The following OXR1 variants were observed in gnomAD, a reference collection of about 807,000 sequenced individuals.
OXR1 encodes the protein oxidation resistance protein 1.
In OXR1, 41 loss-of-function variants were observed where a neutral mutation model predicts 104.6. The observed-to-expected ratio is 0.39, with a 90% CI of 0.31 to 0.51. The LOEUF is 0.51. Among genes scored for constraint, OXR1 ranks in the 20% least tolerant of loss-of-function variants. The probability of loss-of-function intolerance (pLI) is 0.77; values close to 1 mark genes in which losing one functional copy is unlikely to be tolerated. For missense variants in OXR1, 955 were observed against 1,031.9 expected (o/e 0.93, Z 1.02); for synonymous variants, 348 against 348.4 (o/e 1.00, Z 0.01).
chr8:106,495,240 A>G (rs1008215468), intron 2 of OXR1, among the ~76,000 whole-genome samples: 1 of 152,136 alleles, frequency 6.6e-6, no homozygotes, highest in African/African-American at 2.4e-5. Flanking sequence ...TAAATATGCA[A>G]TAATATGTGT....
At chr8:106,457,957 C>T (rs569253769) in intron 2 of OXR1, among the ~76,000 whole-genome samples, 18 of 151,936 alleles carry the variant, frequency 1.2e-4, no homozygotes, top group African/African-American at 3.4e-4. Flanking sequence ...TAGTAAAATG[C>T]GAGTGGAGAG....
At chr8:106,686,382 T>C (rs904518374) in intron 6 of OXR1, among the ~76,000 whole-genome samples, 2 of 151,996 alleles carry the variant, frequency 1.3e-5, no homozygotes, top group Non-Finnish European at 2.9e-5. Flanking sequence ...TTATGGGCAA[T>C]AGTTAGAAAT....
At chr8:106,549,023 A>G (rs1328891548) in intron 3 of OXR1, among the ~76,000 whole-genome samples, 1 of 152,170 alleles carries the variant, frequency 6.6e-6, no homozygotes, top group African/African-American at 2.4e-5. Flanking sequence ...TAAAGAAGAA[A>G]TTCTGTTGCC....
intron 3 of OXR1, among the ~76,000 whole-genome samples, chr8:106,576,021 C>CACAA (rs1491319477): frequency 2.5e-4 from 36 of 146,802 alleles, no homozygotes; most frequent in African/African-American, 8.5e-4. Flanking sequence ...CACACACACA[C>CACAA]AAAACCCTGA....
At chr8:106,669,898 A>G (rs889174923) in intron 3 of OXR1, among the ~76,000 whole-genome samples, 3 of 152,210 alleles carry the variant, frequency 2.0e-5, no homozygotes, top group Non-Finnish European at 4.4e-5. Context: ...TAGGTAATTC[A>G]GACTATCCTG....
chr8:106,415,923 G>T (rs746470701), intron 2 of OXR1, among the ~76,000 whole-genome samples: 16 of 152,082 alleles, frequency 1.1e-4, no homozygotes, highest in Non-Finnish European at 2.1e-4. Context: ...TGGAGTTTAA[G>T]TATTCCTTTC....
chr8:106,299,138 C>T (rs184132375), intron 1 of OXR1, among the ~76,000 whole-genome samples: 2 of 152,116 alleles, frequency 1.3e-5, no homozygotes, highest in East Asian at 3.9e-4. Flanking sequence ...ACTTTGTGTT[C>T]ATCGCAGATT....
chr8:106,389,841 GGAT>G (rs1409148323), intron 2 of OXR1, among the ~76,000 whole-genome samples: 19 of 152,118 alleles, frequency 1.2e-4, no homozygotes, highest in Admixed American at 1.2e-3. Flanking sequence ...CGAGGTGGGT[GGAT>G]CACTTGAGGT....
At chr8:106,685,787 C>T (rs188237627) in intron 6 of OXR1, among the ~76,000 whole-genome samples, 5 of 151,620 alleles carry the variant, frequency 3.3e-5, no homozygotes, top group East Asian at 3.9e-4. Context: ...GTATCTACCC[C>T]GAGGAAAAGA....
At chr8:106,321,056 A>G (rs1199222838) in intron 1 of OXR1, among the ~76,000 whole-genome samples, 1 of 152,244 alleles carries the variant, frequency 6.6e-6, no homozygotes, top group East Asian at 1.9e-4. Context: ...AAGACTTAGT[A>G]ACACAAATCT....
chr8:106,285,040 C>G (rs1261382537), intron 1 of OXR1, among the ~76,000 whole-genome samples: 2 of 152,078 alleles, frequency 1.3e-5, no homozygotes, highest in Non-Finnish European at 2.9e-5. Context: ...CATATGTATA[C>G]ATGTGCCATG....
chr8:106,310,099 T>C (rs1050667150), intron 1 of OXR1, among the ~76,000 whole-genome samples: 3 of 152,090 alleles, frequency 2.0e-5, no homozygotes, highest in Non-Finnish European at 2.9e-5. Context: ...CAGTTAGTCA[T>C]AAATTTTCAG....
Position 106,706,459 on chromosome 8 carries a change from C to T in OXR1, c.938C>T (p.Ser313Leu). ...MTGSNTEEID[S>L]RIRDAGNDSA... ...GGAAGTAACACTGAGGAAATAGACT[C>T]AAGAATCCGAGATGCAGGTAATGAT... The change falls in exon 9 of 17, where the codon TCA (serine) becomes TTA (leucine). Residue 313 changes from serine (S) to leucine (L), a missense_variant. Ser to Leu is a moderately radical substitution (Grantham distance 145, BLOSUM62 -2). Transcript: ENST00000517566. 2 of 1,596,990 alleles carry T rather than the reference C, an allele frequency of 1.3e-6. No individual in the cohort carries two copies. The highest frequency in any genetic ancestry group is 1.7e-6 in the Non-Finnish European group (2 of 1,175,468).
intron 11 of OXR1, chr8:106,720,721 A>G: frequency 4.1e-6 from 4 of 977,388 alleles, no homozygotes; most frequent in Non-Finnish European, 3.6e-6. Context: ...CAAGGAGAGG[A>G]AGATCAAAAA....
chr8:106,349,063 T>C (rs1270388677), intron 1 of OXR1, among the ~76,000 whole-genome samples: 1 of 152,146 alleles, frequency 6.6e-6, no homozygotes, highest in Non-Finnish European at 1.5e-5. Flanking sequence ...GTGCAAACTG[T>C]GTACCAGGAA....
intron 1 of OXR1, among the ~76,000 whole-genome samples, chr8:106,308,513 C>A (rs1452548956): frequency 6.6e-6 from 1 of 152,136 alleles, no homozygotes; most frequent in Non-Finnish European, 1.5e-5. Flanking sequence ...AGGTTAATAT[C>A]CCAATACTGA....
At chr8:106,373,892 G>T (rs1205904078) in intron 2 of OXR1, among the ~76,000 whole-genome samples, 1 of 152,158 alleles carries the variant, frequency 6.6e-6, no homozygotes, top group Non-Finnish European at 1.5e-5. Context: ...ACCCAGCCCT[G>T]ATGTCTTTTT....
chr8:106,365,133 TAAAGAG>T (rs1816413191), intron 2 of OXR1, among the ~76,000 whole-genome samples: 1 of 151,774 alleles, frequency 6.6e-6, no homozygotes. Flanking sequence ...AAGGAAAAAA[TAAAGAG>T]AAAGGTTAGA....
chr8:106,409,042 C>T (rs73701516), intron 2 of OXR1, among the ~76,000 whole-genome samples: 79 of 152,230 alleles, frequency 5.2e-4, no homozygotes, highest in African/African-American at 1.9e-3. Context: ...TTGCCTTCTG[C>T]CTTAGAGTTA....
Sources: gnomAD v4.1 joint callset for allele counts (sites outside exome capture counted in the v4.1 genomes callset) on GRCh38, gnomAD v4.1.1 for gene constraint, MANE v1.5 for transcripts, NCBI Gene and HGNC (gene_info 2026-07-23, HGNC 2026-07-21) for gene names.